The following PDCD4 variants were observed in gnomAD, a reference collection of about 807,000 sequenced individuals.
The protein encoded by PDCD4 is programmed cell death protein 4.
In PDCD4, 56 loss-of-function variants were observed where a neutral mutation model predicts 54.0. That is an observed-to-expected ratio of 1.04 (90% CI 0.84 to 1.30). The LOEUF (loss-of-function observed/expected upper bound fraction) is 1.30. PDCD4 is among the 50% of genes most tolerant of loss of function. The probability of loss-of-function intolerance (pLI) is 0.00; values close to 1 mark genes in which losing one functional copy is unlikely to be tolerated. For missense variants in PDCD4, 584 were observed against 559.8 expected (o/e 1.04, Z -0.44); for synonymous variants, 186 against 194.8 (o/e 0.95, Z 0.37).
At chr10:110,878,225 A>G (rs1166539567) in intron 2 of PDCD4, among the ~76,000 whole-genome samples, 1 of 152,260 alleles carries the variant, frequency 6.6e-6, no homozygotes, top group Non-Finnish European at 1.5e-5. Context: ...AGCAATTAAT[A>G]CAAACATGGG....
chr10:110,874,669 G>A (rs1255863454), intron 1 of PDCD4, among the ~76,000 whole-genome samples: 3 of 152,108 alleles, frequency 2.0e-5, no homozygotes, highest in Admixed American at 1.3e-4. Context: ...ATATTAGTCT[G>A]AGGATTATAC....
intron 5 of PDCD4, among the ~76,000 whole-genome samples, chr10:110,886,980 A>G (rs1472932451): frequency 6.6e-6 from 1 of 152,172 alleles, no homozygotes; most frequent in Non-Finnish European, 1.5e-5. Flanking sequence ...GATAATCTAA[A>G]ATGAATTTTT....
chr10:110,881,898 A>G (rs1170443334), intron 3 of PDCD4, among the ~76,000 whole-genome samples: 1 of 152,196 alleles, frequency 6.6e-6, no homozygotes, highest in Non-Finnish European at 1.5e-5. Context: ...CATTACTACT[A>G]CTAATAAATA....
intron 1 of PDCD4, among the ~76,000 whole-genome samples, chr10:110,875,598 ATGTATG>A (rs1845491202): frequency 6.6e-6 from 1 of 152,134 alleles, no homozygotes; most frequent in South Asian, 2.1e-4. Context: ...TTATATTCCT[ATGTATG>A]TATATCAGAT....
In PDCD4 at chr10:110,881,148, C is replaced by G. The variant is rs1031426660; in HGVS notation, c.44-85C>G. 5.2e-6 allele frequency: 5 copies of G among 970,516 alleles called. No individual in the cohort carries two copies. In the Admixed American group the frequency reaches 7.0e-5, roughly 14 times the overall value. The allele number at this position is 970,516 out of a possible 1,614,324, so 60.1% of individuals were successfully genotyped here. A position where few individuals can be genotyped will look rare whatever the true frequency, so the allele number is the denominator to read the frequency against. On this transcript the variant is annotated intron_variant, in intron 2 of 11. Coordinates refer to ENST00000280154, the MANE Select transcript of PDCD4 (RefSeq NM_014456.5). ...ACAAAAATGGTAATGTCATGTGATT[C>G]AACCTAATCTAACTTACCACTATAT... is the stretch of plus-strand genomic sequence containing the variant.
At position 110,898,814 on chromosome 10, in the gene PDCD4, A is replaced by G. The variant is rs761358804; in HGVS notation, c.*726A>G. 2 of 152,606 alleles carry G rather than the reference A, an allele frequency of 1.3e-5. No individual in the cohort carries two copies. The highest frequency in any genetic ancestry group is 1.5e-5 in the Non-Finnish European group (1 of 68,026). The allele number at this position is 152,606 out of a possible 1,614,324, so 9.5% of individuals were successfully genotyped here. A position where few individuals can be genotyped will look rare whatever the true frequency, so the allele number is the denominator to read the frequency against. ...TCACACAGTAAATTTTGAATCTCATAAGGAAGCATATTTGAACCTAGTCAA... is the reference window on the plus strand; with the variant it reads ...TCACACAGTAAATTTTGAATCTCATGAGGAAGCATATTTGAACCTAGTCAA... On this transcript the variant is annotated 3_prime_UTR_variant, in exon 12 of 12. Transcript: ENST00000280154.
At chr10:110,888,034 G>T in intron 6 of PDCD4, 148 bp downstream of exon 6, 3 of 564,716 alleles carry the variant, frequency 5.3e-6, no homozygotes, top group South Asian at 2.4e-5. Context: ...GCATTTTGAT[G>T]TATTTTTTCC....
At chr10:110,887,927 T>C (rs762232506) in intron 6 of PDCD4, 41 bp downstream of exon 6, 2 of 1,305,240 alleles carry the variant, frequency 1.5e-6, no homozygotes, top group East Asian at 2.3e-5. Context: ...CTCCCACTAC[T>C]ATATTCCTAA....
At chr10:110,877,351 G>A (rs540328776) in intron 2 of PDCD4, among the ~76,000 whole-genome samples, 7 of 152,152 alleles carry the variant, frequency 4.6e-5, no homozygotes, top group Non-Finnish European at 7.3e-5. Flanking sequence ...GATTACAGGC[G>A]TGTGCACCAC....
chr10:110,877,178 G>A (rs1845518336), intron 2 of PDCD4, among the ~76,000 whole-genome samples: 1 of 152,174 alleles, frequency 6.6e-6, no homozygotes, highest in South Asian at 2.1e-4. Context: ...TGGATAATAT[G>A]TACCTACTTA....
At position 110,889,720 on chromosome 10, in the gene PDCD4, C is replaced by T. The variant is rs566993193; in HGVS notation, c.875+90C>T. 3 of 745,220 alleles carry T rather than the reference C, an allele frequency of 4.0e-6. No homozygotes were observed. The African/African-American group carries it at 5.3e-5, about 13-fold the overall frequency. The allele number at this position is 745,220 out of a possible 1,614,324, so 46.2% of individuals were successfully genotyped here. ...AAATGACACTTGTGTTAATCAGACA[C>T]TCTGTACATCTGTTTGTCACTTCTC... On this transcript the variant is annotated intron_variant, in intron 7 of 11. Transcript: ENST00000280154.
chr10:110,881,121 C>T (rs1845583188), intron 2 of PDCD4, 112 bp from the exon 3 acceptor site: 2 of 707,688 alleles, frequency 2.8e-6, no homozygotes, highest in East Asian at 2.6e-5. Context: ...TGTAATTTAC[C>T]TACAAAAATG....
At chr10:110,893,959 C>A in intron 8 of PDCD4, 132 bp from the exon 9 acceptor site, 1 of 556,190 alleles carries the variant, frequency 1.8e-6, no homozygotes, top group Non-Finnish European at 3.3e-6. Context: ...GTACCACATC[C>A]AATGTATATG....
At chr10:110,872,930 A>T (rs570573274) in intron 1 of PDCD4, among the ~76,000 whole-genome samples, 2 of 152,212 alleles carry the variant, frequency 1.3e-5, no homozygotes, top group African/African-American at 4.8e-5. Context: ...CTACGTAGCC[A>T]GCAACTGTGT....
chr10:110,888,050 CT>C (rs1224914671), intron 6 of PDCD4, among the ~76,000 whole-genome samples, 164 bp downstream of exon 6: 1 of 151,556 alleles, frequency 6.6e-6, no homozygotes, highest in Non-Finnish European at 1.5e-5. Context: ...TTTCCTAGTT[CT>C]TTTGTTTTTT....
chr10:110,888,003 C>T (rs7089687), intron 6 of PDCD4, 117 bp downstream of exon 6: 66,359 of 612,502 alleles, frequency 0.11, 3,858 homozygotes, highest in Middle Eastern at 0.13. Flanking sequence ...ACATTTCCTA[C>T]GACACCGAAA....
At chr10:110,881,174 C>T (rs1845584519) in intron 2 of PDCD4, 59 bp from the exon 3 acceptor site, 2 of 1,279,404 alleles carry the variant, frequency 1.6e-6, no homozygotes, top group East Asian at 4.6e-5. Context: ...ACCACTATAT[C>T]TATAAAACAG....
intron 8 of PDCD4, 84 bp downstream of exon 8, chr10:110,890,754 T>C: frequency 2.7e-6 from 2 of 745,842 alleles, no homozygotes; most frequent in South Asian, 2.9e-5. Flanking sequence ...GGTATTTTTA[T>C]GGACAAAAAT....
chr10:110,879,652 CAAAA>C (rs527490449), intron 2 of PDCD4, among the ~76,000 whole-genome samples: 1 of 84,370 alleles, frequency 1.2e-5, no homozygotes. Context: ...CACGCTGTCT[CAAAA>C]AAAAAAAAAA....
Sources: allele counts gnomAD v4.1 joint callset (sites outside exome capture counted in the v4.1 genomes callset), GRCh38; gene constraint gnomAD v4.1.1; transcripts MANE v1.5; gene names NCBI Gene and HGNC (gene_info 2026-07-23, HGNC 2026-07-21).